Variants in CNTN5 observed in about 807,000 individuals in gnomAD.
The protein encoded by CNTN5 is contactin 5, also known as contactin-5.
CNTN5 carries 77 observed loss-of-function variants against 129.1 expected under a neutral mutation model. The observed-to-expected ratio is 0.60, with a 90% CI of 0.50 to 0.72. The LOEUF (loss-of-function observed/expected upper bound fraction) is 0.72, where lower values mean the gene tolerates loss of function less well. Among genes scored for constraint, CNTN5 ranks in the 30% least tolerant of loss-of-function variants. CNTN5 has a pLI of 0.00. For synonymous variants in CNTN5, 509 were observed against 465.6 expected (o/e 1.09, Z -1.20); for missense variants, 1,478 against 1,328.8 (o/e 1.11, Z -1.75).
chr11:99,220,007 C>T (rs934791843), intron 1 of CNTN5, among the ~76,000 whole-genome samples: 4 of 151,966 alleles, frequency 2.6e-5, no homozygotes, highest in African/African-American at 9.7e-5. Flanking sequence ...GAGATAGGAA[C>T]ACAGAGAAAA....
chr11:99,608,523 G>A (rs1440547793), intron 3 of CNTN5, among the ~76,000 whole-genome samples: 1 of 152,136 alleles, frequency 6.6e-6, no homozygotes. Flanking sequence ...AATCCAGTAA[G>A]CCTGGTTTCC....
intron 8 of CNTN5, among the ~76,000 whole-genome samples, chr11:99,992,321 C>G (rs1306095574): frequency 1.3e-5 from 2 of 152,196 alleles, no homozygotes; most frequent in African/African-American, 2.4e-5. Flanking sequence ...GAAAAACACT[C>G]AGCTCTGCTG....
intron 8 of CNTN5, among the ~76,000 whole-genome samples, chr11:99,981,677 T>C (rs1324041582): frequency 6.6e-6 from 1 of 152,208 alleles, no homozygotes; most frequent in Non-Finnish European, 1.5e-5. Flanking sequence ...TTATGAGGAA[T>C]TGGTGAAAAT....
chr11:99,854,528 T>G, intron 6 of CNTN5, among the ~76,000 whole-genome samples: 1 of 152,038 alleles, frequency 6.6e-6, no homozygotes, highest in East Asian at 1.9e-4. Context: ...GAATAGGTGG[T>G]GGTGGGAGTA....
At chr11:100,067,749 G>C (rs1457767194) in intron 10 of CNTN5, among the ~76,000 whole-genome samples, 1 of 151,798 alleles carries the variant, frequency 6.6e-6, no homozygotes, top group Non-Finnish European at 1.5e-5. Flanking sequence ...TCACCCACTA[G>C]AGTTTGAGCT....
At chr11:100,301,234 T>C (rs1297122677) in intron 20 of CNTN5, among the ~76,000 whole-genome samples, 1 of 151,604 alleles carries the variant, frequency 6.6e-6, no homozygotes, top group Non-Finnish European at 1.5e-5. Context: ...GCATGAGAGA[T>C]TAATTGGAGA....
chr11:99,433,379 G>A (rs3990850), intron 2 of CNTN5, among the ~76,000 whole-genome samples: 27,507 of 86,384 alleles, frequency 0.32, 2,796 homozygotes, highest in East Asian at 0.54. Context: ...AAATGTGTGT[G>A]TGTGTGTGTG....
rs150233765 is a variant in CNTN5, at chr11:99,868,029, A to G, written c.577+22767A>G. On this transcript the variant is annotated intron_variant, in intron 6 of 24. Coordinates refer to ENST00000524871, the MANE Select transcript of CNTN5 (RefSeq NM_014361.4). ...CAGGAGTTCGAGACCAGCCTGACCA[A>G]CATGGAGAAACCCTGTGTCTACTAA... is the stretch of plus-strand genomic sequence containing the variant. Among the ~76,000 whole-genome samples the G allele has an allele frequency of 6.7e-3, 1,026 of 152,280 alleles. 9 individuals are homozygous for G. Among genetic ancestry groups the G allele is most frequent in the African/African-American group, 0.023 (962 of 41,552 alleles).
chr11:99,726,147 A>G (rs1252162003), intron 3 of CNTN5, among the ~76,000 whole-genome samples: 1 of 152,194 alleles, frequency 6.6e-6, no homozygotes, highest in East Asian at 1.9e-4. Flanking sequence ...CACATCCACC[A>G]TCACTTATGA....
chr11:99,491,071 C>CTGGCTTCCA (rs1383508295), intron 2 of CNTN5, among the ~76,000 whole-genome samples: 1 of 152,150 alleles, frequency 6.6e-6, no homozygotes, highest in African/African-American at 2.4e-5. Flanking sequence ...CCCTCCACAG[C>CTGGCTTCCA]TGGCTTCCAT....
chr11:99,934,494 T>C (rs1950262274), intron 7 of CNTN5, among the ~76,000 whole-genome samples: 1 of 152,230 alleles, frequency 6.6e-6, no homozygotes, highest in Non-Finnish European at 1.5e-5. Context: ...TTGTCTCATA[T>C]AAACATTTTC....
intron 1 of CNTN5, among the ~76,000 whole-genome samples, chr11:99,306,745 T>C (rs1478476402): frequency 4.0e-5 from 1 of 25,126 alleles, no homozygotes; most frequent in Non-Finnish European, 9.4e-5. Flanking sequence ...AAAATAATGA[T>C]GATAATAATA....
Position 99,220,863 on chromosome 11 carries a change from T to A in CNTN5, c.-209-104483T>A, listed in dbSNP as rs150416668. On this transcript the variant is annotated intron_variant, in intron 1 of 24. Coordinates refer to ENST00000524871, the MANE Select transcript of CNTN5 (RefSeq NM_014361.4). ...ACTCAAATAATTCTAAATTTTCACC[T>A]TATGAAAACAATGATTTAAAAAAAA... is the stretch of plus-strand genomic sequence containing the variant. 7.4e-3 allele frequency among the ~76,000 whole-genome samples: 1,119 copies of A among 151,932 alleles called. 15 individuals are homozygous for A. The highest frequency in any genetic ancestry group is 0.026 in the African/African-American group (1,063 of 41,486).
At chr11:99,327,754 C>T (rs991068997) in intron 2 of CNTN5, among the ~76,000 whole-genome samples, 8 of 152,130 alleles carry the variant, frequency 5.3e-5, no homozygotes, top group Non-Finnish European at 7.4e-5. Context: ...AAACATTCAG[C>T]GGCAAAACTG....
chr11:99,975,638 A>G (rs1272907351), intron 8 of CNTN5, among the ~76,000 whole-genome samples: 1 of 152,128 alleles, frequency 6.6e-6, no homozygotes, highest in Non-Finnish European at 1.5e-5. Context: ...TGGCAGCAGG[A>G]GAGAGAGATC....
At chr11:100,272,906 C>T (rs978992141) in intron 18 of CNTN5, among the ~76,000 whole-genome samples, 9 of 152,082 alleles carry the variant, frequency 5.9e-5, no homozygotes, top group Non-Finnish European at 1.2e-4. Flanking sequence ...AGCTGCAAGC[C>T]AGCTGATGTG....
At position 99,556,151 on chromosome 11, in the gene CNTN5, C is replaced by T; in HGVS notation, c.-64C>T. On this transcript the variant is annotated 5_prime_UTR_variant, in exon 3 of 25. Coordinates refer to ENST00000524871, the MANE Select transcript of CNTN5 (RefSeq NM_014361.4). ...TGTTATCTATCTCAAACAGGGCACTCTTTAATGAAGAAACACCAGAGCTGT... is the reference window on the plus strand; with the variant it reads ...TGTTATCTATCTCAAACAGGGCACTTTTTAATGAAGAAACACCAGAGCTGT... 2 of 953,020 alleles carry T rather than the reference C, an allele frequency of 2.1e-6. No homozygotes were observed. The highest frequency in any genetic ancestry group is 1.5e-6 in the Non-Finnish European group (1 of 655,284). 59.0% of individuals were successfully genotyped at this position (953,020 alleles called of 1,614,324 possible). A position where few individuals can be genotyped will look rare whatever the true frequency, so the allele number is the denominator to read the frequency against.
chr11:100,106,296 T>C (rs1192884286), intron 13 of CNTN5, among the ~76,000 whole-genome samples: 5 of 152,180 alleles, frequency 3.3e-5, no homozygotes, highest in Non-Finnish European at 4.4e-5. Context: ...CAGCAAGTTA[T>C]AAAATGCATT....
intron 1 of CNTN5, among the ~76,000 whole-genome samples, chr11:99,270,972 C>T (rs1222732904): frequency 1.3e-5 from 2 of 151,898 alleles, no homozygotes; most frequent in Non-Finnish European, 2.9e-5. Context: ...CTAAAAGCTC[C>T]ATGAAGCAAA....
Sources: gnomAD v4.1 joint callset for allele counts (sites outside exome capture counted in the v4.1 genomes callset) on GRCh38, gnomAD v4.1.1 for gene constraint, MANE v1.5 for transcripts, NCBI Gene and HGNC (gene_info 2026-07-23, HGNC 2026-07-21) for gene names.